The following COL18A1 variants were observed in gnomAD, a reference collection of about 807,000 sequenced individuals.
COL18A1 encodes collagen alpha-1(XVIII) chain.
Under a neutral mutation model 168.0 loss-of-function variants are expected in COL18A1, and 133 were observed. The observed-to-expected ratio is 0.79, with a 90% CI of 0.69 to 0.91. COL18A1 has a LOEUF of 0.91. COL18A1 is among the 40% of genes least tolerant of loss of function. The probability of loss-of-function intolerance (pLI) is 0.00; values close to 1 mark genes in which losing one functional copy is unlikely to be tolerated. For synonymous variants in COL18A1, 949 were observed against 809.0 expected, an observed-to-expected ratio of 1.17 and a Z score of -2.94; for missense variants, 2,126 against 1,925.4, an observed-to-expected ratio of 1.10 and a Z score of -1.95.
At chr21:45,478,525 G>A (rs1049707008) in intron 9 of COL18A1, among the ~76,000 whole-genome samples, 172 bp downstream of exon 9, 8 of 152,186 alleles carry the variant, frequency 5.3e-5, no homozygotes, top group Non-Finnish European at 1.5e-5. Flanking sequence ...CTGTTGATGG[G>A]AAATAGCAGT....
intron 2 of COL18A1, among the ~76,000 whole-genome samples, chr21:45,465,345 G>A (rs1050481335): frequency 7.0e-5 from 10 of 143,848 alleles, no homozygotes; most frequent in Non-Finnish European, 1.2e-4. Flanking sequence ...GTCTCCACCC[G>A]GGGACAGGGG....
At chr21:45,455,972 C>T in intron 2 of COL18A1, 1 of 1,613,042 alleles carries the variant, frequency 6.2e-7, no homozygotes, top group Non-Finnish European at 8.5e-7. Flanking sequence ...CCTGGAGACT[C>T]CTGTGGGCCC....
At chr21:45,480,188 G>A (rs1393314996) in intron 11 of COL18A1, 32 bp downstream of exon 11, 4 of 1,316,970 alleles carry the variant, frequency 3.0e-6, no homozygotes, top group Non-Finnish European at 4.3e-6. Flanking sequence ...CTGCGACCCG[G>A]GGTCTGCCCT....
At chr21:45,442,523 G>A (rs947039528) in intron 2 of COL18A1, among the ~76,000 whole-genome samples, 4 of 152,266 alleles carry the variant, frequency 2.6e-5, no homozygotes, top group Non-Finnish European at 4.4e-5. Flanking sequence ...CTCTGTCGCC[G>A]GGTAGTAGCA....
intron 2 of COL18A1, among the ~76,000 whole-genome samples, chr21:45,417,591 G>A (rs929525855): frequency 4.6e-5 from 7 of 152,188 alleles, no homozygotes; most frequent in Non-Finnish European, 1.5e-5. Flanking sequence ...CTGGCATTCT[G>A]TGTGCCAACT....
intron 2 of COL18A1, among the ~76,000 whole-genome samples, chr21:45,426,956 C>G (rs141042571): frequency 6.6e-6 from 1 of 152,186 alleles, no homozygotes; most frequent in Non-Finnish European, 1.5e-5. Flanking sequence ...CAGGTGCTCT[C>G]AGGACGCAGG....
At chr21:45,503,780 G>A (rs1441394283) in intron 32 of COL18A1, among the ~76,000 whole-genome samples, 1 of 151,612 alleles carries the variant, frequency 6.6e-6, no homozygotes, top group Non-Finnish European at 1.5e-5. Flanking sequence ...AAAACTTAAA[G>A]TATAATAATA....
intron 2 of COL18A1, among the ~76,000 whole-genome samples, chr21:45,431,297 G>A (rs2033951388): frequency 1.3e-5 from 2 of 152,192 alleles, no homozygotes; most frequent in Non-Finnish European, 2.9e-5. Flanking sequence ...AGCACCTGCT[G>A]TGTGCAGGGC....
At chr21:45,508,438 G>A (rs1166067605) in intron 38 of COL18A1, among the ~76,000 whole-genome samples, 1 of 150,406 alleles carries the variant, frequency 6.6e-6, no homozygotes, top group Non-Finnish European at 1.5e-5. Context: ...ATGGATGGTG[G>A]GTAAGTGGGT....
At chr21:45,468,208 A>G (rs1280994154) in intron 2 of COL18A1, 34 bp from the exon 3 acceptor site, 1 of 1,611,896 alleles carries the variant, frequency 6.2e-7, no homozygotes, top group Non-Finnish European at 8.5e-7. Context: ...TCCGTCCTGC[A>G]CAGCCACCTC....
At chr21:45,491,557 G>A (rs1435174224) in intron 22 of COL18A1, among the ~76,000 whole-genome samples, 1 of 151,044 alleles carries the variant, frequency 6.6e-6, no homozygotes, top group Non-Finnish European at 1.5e-5. Context: ...AGGGGCCAGT[G>A]TTTTTACGTC....
chr21:45,500,278 A>AGT (rs2036713434), intron 32 of COL18A1, among the ~76,000 whole-genome samples: 2 of 16,128 alleles, frequency 1.2e-4, no homozygotes, highest in African/African-American at 3.9e-4. Flanking sequence ...TTGGGTGTGT[A>AGT]GTGGGGGTGT....
intron 40 of COL18A1, among the ~76,000 whole-genome samples, chr21:45,510,863 G>A (rs893188055): frequency 2.6e-5 from 4 of 152,038 alleles, no homozygotes; most frequent in African/African-American, 4.8e-5. Flanking sequence ...GAGGCTGCCT[G>A]GCCAGGCCTG....
In COL18A1 at chr21:45,487,356, C is replaced by A. The variant is rs944429658; in HGVS notation, c.1834-91C>A. The A allele has an allele frequency of 3.4e-6, 5 of 1,463,902 alleles. No homozygotes were observed. The African/African-American group carries it at 6.9e-5, about 20-fold the overall frequency. The allele number at this position is 1,463,902 out of a possible 1,614,324, so 90.7% of individuals were successfully genotyped here. A position where few individuals can be genotyped will look rare whatever the true frequency, so the allele number is the denominator to read the frequency against. The stretch of plus-strand genomic sequence containing the variant: ...AGGCCACCGTGGCCCCAAAGCATGT[C>A]CCACCCTCCTCTCGGGCAGTGCCAC... On this transcript the variant is annotated intron_variant, in intron 16 of 41. Coordinates refer to ENST00000651438, the MANE Select transcript of COL18A1 (RefSeq NM_001379500.1).
chr21:45,445,147 G>A lies in COL18A1; in HGVS notation c.107-23095G>A, dbSNP rs574155336. On this transcript the variant is annotated intron_variant, in intron 2 of 41. Coordinates refer to ENST00000651438, the MANE Select transcript of COL18A1 (RefSeq NM_001379500.1). ...CTCCCTCCCTCCAGTCCTGGCCACCGGTCATCTCCTTTCTGTCCCTGGGTT... is the reference window on the plus strand; with the variant it reads ...CTCCCTCCCTCCAGTCCTGGCCACCAGTCATCTCCTTTCTGTCCCTGGGTT... Among the ~76,000 whole-genome samples, 6 of 152,262 alleles carry A rather than the reference G, an allele frequency of 3.9e-5. No homozygotes were observed. In the South Asian group the frequency reaches 8.3e-4, roughly 21 times the overall value.
At chr21:45,483,769 G>A (rs58825828) in intron 15 of COL18A1, among the ~76,000 whole-genome samples, 8,152 of 152,114 alleles carry the variant, frequency 0.054, 239 homozygotes, top group African/African-American at 0.066. Flanking sequence ...AAGGCCAGTG[G>A]GGAGAGGAGT....
intron 37 of COL18A1, chr21:45,506,951 C>A: frequency 4.0e-6 from 1 of 251,058 alleles, no homozygotes; most frequent in Non-Finnish European, 8.1e-6. Context: ...AGCTGGTGCC[C>A]ACTGTGTGCC....
At chr21:45,504,630 C>T (rs1002789694) in intron 34 of COL18A1, 74 bp downstream of exon 34, 144 of 1,354,560 alleles carry the variant, frequency 1.1e-4, no homozygotes, top group East Asian at 8.8e-4. Context: ...AGGTCCAGCC[C>T]GGCCTTCGAC....
In COL18A1 at chr21:45,473,230, G is replaced by A. The variant is rs78958703; in HGVS notation, c.652-665G>A. On this transcript the variant is annotated intron_variant, in intron 3 of 41. Transcript: ENST00000651438. This position sits in a 1 kb window ranked among gnomAD's most constrained non-coding sequence, Gnocchi z 4.0. ...TGCATCTCACCAGGCACCGCCGGCC[G>A]CGCCAGGGCCCGAGAGGGCAGGGTC... Among the ~76,000 whole-genome samples, 41 of 152,354 alleles carry A rather than the reference G, an allele frequency of 2.7e-4. No homozygotes were observed. In the East Asian group the frequency reaches 7.0e-3, roughly 26 times the overall value.
Sources: allele counts gnomAD v4.1 joint callset (sites outside exome capture counted in the v4.1 genomes callset), GRCh38; gene constraint gnomAD v4.1.1; non-coding constraint Gnocchi (gnomAD v3.1); transcripts MANE v1.5; gene names NCBI Gene and HGNC (gene_info 2026-07-23, HGNC 2026-07-21).